ZNF704: variants seen among roughly 807,000 people sequenced by gnomAD.
The protein encoded by ZNF704 is zinc finger protein 704, also known as glucocorticoid induced gene 1.
ZNF704 carries 10 observed loss-of-function variants against 44.7 expected under a neutral mutation model. The ratio of observed to expected loss-of-function variants is 0.22; its 90% CI spans 0.14 to 0.38. The LOEUF (loss-of-function observed/expected upper bound fraction) is 0.38, where lower values mean the gene tolerates loss of function less well. Among genes scored for constraint, ZNF704 ranks in the 10% least tolerant of loss-of-function variants. The probability of loss-of-function intolerance (pLI) is 1.00; values close to 1 mark genes in which losing one functional copy is unlikely to be tolerated. For missense variants in ZNF704, 390 were observed against 545.5 expected (o/e 0.71, Z 2.84); for synonymous variants, 211 against 207.6 (o/e 1.02, Z -0.14).
chr8:80,691,998 C>T (rs1424477460), intron 3 of ZNF704, among the ~76,000 whole-genome samples: 1 of 152,024 alleles, frequency 6.6e-6, no homozygotes, highest in Non-Finnish European at 1.5e-5. Flanking sequence ...GTCGTATCTA[C>T]CTGCACTGTG....
chr8:80,734,218 A>G (rs1379277961), intron 2 of ZNF704, among the ~76,000 whole-genome samples: 1 of 152,218 alleles, frequency 6.6e-6, no homozygotes, highest in African/African-American at 2.4e-5. Context: ...TTTAGTCTTC[A>G]GAGAAGGACA....
intron 4 of ZNF704, among the ~76,000 whole-genome samples, chr8:80,675,799 C>T (rs374113445): frequency 1.1e-4 from 16 of 151,954 alleles, no homozygotes; most frequent in East Asian, 5.8e-4. Flanking sequence ...GGAGATTGCA[C>T]GCAGGACACT....
upstream of ZNF704, among the ~76,000 whole-genome samples, chr8:80,875,052 G>A (rs1309661324): frequency 6.6e-6 from 1 of 152,114 alleles, no homozygotes; most frequent in Non-Finnish European, 1.5e-5. Context: ...TGTCTGATCT[G>A]TAGACTCTCT....
intron 7 of ZNF704, among the ~76,000 whole-genome samples, chr8:80,653,874 A>G (rs1480415580): frequency 6.6e-6 from 1 of 152,194 alleles, no homozygotes; most frequent in Non-Finnish European, 1.5e-5. Flanking sequence ...AAGAGCCCGC[A>G]TTGCCAAGTC....
At chr8:80,645,292 C>A in intron 7 of ZNF704, 1 of 997,466 alleles carries the variant, frequency 1.0e-6, no homozygotes. Context: ...ATTTAAAAAC[C>A]TAGGAGCCAA....
intron 1 of ZNF704, among the ~76,000 whole-genome samples, chr8:80,862,597 C>CAAAAA (rs10523461): frequency 1.0e-5 from 1 of 100,102 alleles, no homozygotes; most frequent in Non-Finnish European, 2.0e-5. Context: ...TTGTCTCTAC[C>CAAAAA]AAAAAAAAAA....
intron 1 of ZNF704, among the ~76,000 whole-genome samples, chr8:80,843,838 A>G (rs1197249416): frequency 6.6e-6 from 1 of 152,146 alleles, no homozygotes; most frequent in Non-Finnish European, 1.5e-5. Context: ...ATATTTTAGT[A>G]GACCTTTGAA....
chr8:80,799,963 A>G (rs2129788223), intron 2 of ZNF704, among the ~76,000 whole-genome samples: 1 of 152,324 alleles, frequency 6.6e-6, no homozygotes, highest in South Asian at 2.1e-4. Flanking sequence ...GCTAGTTTAG[A>G]GAGGAACATA....
At chr8:80,830,973 C>T (rs1004950023) in intron 1 of ZNF704, among the ~76,000 whole-genome samples, 2 of 151,808 alleles carry the variant, frequency 1.3e-5, no homozygotes, top group African/African-American at 2.4e-5. Context: ...CCAGGTTGGT[C>T]TTGAACTCCT....
At chr8:80,772,195 T>C (rs540898456) in intron 2 of ZNF704, among the ~76,000 whole-genome samples, 1 of 152,294 alleles carries the variant, frequency 6.6e-6, no homozygotes, top group East Asian at 1.9e-4. Context: ...TGTACTGTCA[T>C]TGGTTTTGGT....
At position 80,749,382 on chromosome 8, in the gene ZNF704, T is replaced by C. The variant is rs76614927; in HGVS notation, c.222-56275A>G. 3.8e-3 allele frequency among the ~76,000 whole-genome samples: 573 copies of C among 152,274 alleles called. 3 individuals are homozygous for C. The highest frequency in any genetic ancestry group is 0.013 in the African/African-American group (556 of 41,544). The stretch of plus-strand genomic sequence containing the variant: ...TGTATACACAGGATGCTTGCCATTG[T>C]GTTATGGTCACCTACACCATTTAAA... On this transcript the variant is annotated intron_variant, in intron 2 of 8. Coordinates refer to ENST00000327835, the MANE Select transcript of ZNF704 (RefSeq NM_001033723.3).
At chr8:80,712,476 G>A (rs78238048) in intron 2 of ZNF704, among the ~76,000 whole-genome samples, 3,474 of 152,190 alleles carry the variant, frequency 0.023, 135 homozygotes, top group African/African-American at 0.079. Flanking sequence ...GTTTAGAGAC[G>A]GAGGGAAAGT....
In ZNF704 at chr8:80,821,483, T is replaced by C; in HGVS notation, c.112A>G (p.Lys38Glu). 1 of 1,614,200 alleles carries C rather than the reference T, an allele frequency of 6.2e-7. No individual in the cohort carries two copies. ...TGGTCAAGGATCCGGCTGGCTTTTTTGGTGTCTGCTGTTTTCACATCTTCC... is the reference window on the plus strand; with the variant it reads ...TGGTCAAGGATCCGGCTGGCTTTTTCGGTGTCTGCTGTTTTCACATCTTCC... ...MEEDVKTADT[K>E]KASRILDHEK... Residue 38 changes from lysine (K) to glutamate (E), a missense_variant, in exon 2 of 9, where the codon AAA (lysine) becomes GAA (glutamate). Around this residue, in one of 3 missense-constraint regions of ZNF704, gnomAD observed 80 missense variants for 83.7 expected, o/e 0.96. Coordinates refer to ENST00000327835, the MANE Select transcript of ZNF704 (RefSeq NM_001033723.3).
intron 3 of ZNF704, among the ~76,000 whole-genome samples, chr8:80,691,644 A>C (rs1818637399): frequency 6.6e-6 from 1 of 151,988 alleles, no homozygotes; most frequent in South Asian, 2.1e-4. Flanking sequence ...TGATGATCTC[A>C]TCTACTCTCA....
In ZNF704 at chr8:80,659,646, G is replaced by T. The variant is rs747062324; in HGVS notation, c.971C>A (p.Pro324His). 4 of 1,613,988 alleles carry T rather than the reference G, an allele frequency of 2.5e-6. No homozygotes were observed. Among genetic ancestry groups the T allele is most frequent in the Non-Finnish European group, 3.4e-6 (4 of 1,179,940 alleles). ...VTIPGSAKFT[P>H]NGSSFSISWQ... ...GGAAATGCTGAAGCTGCTGCCATTGGGGGTGAACTTGGCCGATCCTGGAAT... is the reference window on the plus strand; with the variant it reads ...GGAAATGCTGAAGCTGCTGCCATTGTGGGTGAACTTGGCCGATCCTGGAAT... The change falls in exon 7 of 9, where the codon CCC becomes CAC. Residue 324 changes from proline to histidine, a missense_variant. Around this residue, in one of 3 missense-constraint regions of ZNF704, gnomAD observed 305 missense variants for 435.7 expected, o/e 0.70. Transcript: ENST00000327835.
At chr8:80,877,383 G>C (rs1586094041), upstream of ZNF704, among the ~76,000 whole-genome samples, 1 of 152,142 alleles carries the variant, frequency 6.6e-6, no homozygotes, top group Non-Finnish European at 1.5e-5. Flanking sequence ...AGGACACTTA[G>C]TGGGAATAAA....
chr8:80,815,419 C>T (rs1173801762), intron 2 of ZNF704, among the ~76,000 whole-genome samples: 6 of 152,262 alleles, frequency 3.9e-5, no homozygotes, highest in South Asian at 4.1e-4. Flanking sequence ...TGAAATCCAA[C>T]GAATTTAAGC....
intron 1 of ZNF704, among the ~76,000 whole-genome samples, chr8:80,838,039 T>G (rs928106258): frequency 6.6e-6 from 1 of 152,094 alleles, no homozygotes; most frequent in Non-Finnish European, 1.5e-5. Flanking sequence ...TACCCCCTAC[T>G]AGAGCCGACC....
At chr8:80,823,283 T>G (rs1808310628) in intron 1 of ZNF704, among the ~76,000 whole-genome samples, 1 of 152,234 alleles carries the variant, frequency 6.6e-6, no homozygotes, top group African/African-American at 2.4e-5. Flanking sequence ...ATCCCGTGCC[T>G]GGCTCGGAGG....
Sources: allele counts gnomAD v4.1 joint callset (sites outside exome capture counted in the v4.1 genomes callset), GRCh38; gene constraint gnomAD v4.1.1; regional missense constraint gnomAD v4.1.1; transcripts MANE v1.5; gene names NCBI Gene and HGNC (gene_info 2026-07-23, HGNC 2026-07-21).